The following PCBP3 variants were observed in gnomAD, a reference collection of about 807,000 sequenced individuals.
The protein encoded by PCBP3 is poly(rC)-binding protein 3.
In PCBP3, 25 loss-of-function variants were observed where a neutral mutation model predicts 52.7. The observed-to-expected ratio is 0.47, with a 90% CI of 0.35 to 0.66. The LOEUF is 0.66. Among genes scored for constraint, PCBP3 ranks in the 30% least tolerant of loss-of-function variants. The pLI is 0.01. For missense variants in PCBP3, 391 were observed against 490.3 expected (o/e 0.80, Z 1.91); for synonymous variants, 162 against 183.0 (o/e 0.89, Z 0.93).
Position 45,803,618 on chromosome 21 carries a change from A to G in PCBP3, c.-125-46343A>G, listed in dbSNP as rs1045190630. ...TAAATGCAAACAGGACACTGAGGGC[A>G]GGAAGGTGTGCTGAGCTGCCCTGCA... On this transcript the variant is annotated intron_variant, in intron 4 of 17. Coordinates refer to ENST00000681687, the MANE Select transcript of PCBP3 (RefSeq NM_001384156.1). Among the ~76,000 whole-genome samples the G allele has an allele frequency of 2.0e-5, 3 of 152,214 alleles. No individual in the cohort carries two copies. The East Asian group carries it at 5.8e-4, about 29-fold the overall frequency.
chr21:45,674,235 C>CTT (rs2081337403), intron 2 of PCBP3, among the ~76,000 whole-genome samples: 1 of 152,152 alleles, frequency 6.6e-6, no homozygotes. Context: ...TGTTGTTATT[C>CTT]TTTATGTAGG....
chr21:45,651,669 T>G (rs2079692623), intron 1 of PCBP3, among the ~76,000 whole-genome samples: 1 of 152,236 alleles, frequency 6.6e-6, no homozygotes, highest in South Asian at 2.1e-4. Flanking sequence ...TTTAAAATAC[T>G]CATCATGATA....
In PCBP3 at chr21:45,922,569, T is replaced by C. The variant is rs992127005; in HGVS notation, c.717+4940T>C. On this transcript the variant is annotated intron_variant, in intron 13 of 17. Coordinates refer to ENST00000681687, the MANE Select transcript of PCBP3 (RefSeq NM_001384156.1). ...GACCCTGTCTCAAAAAAAGAAAAAA[T>C]ACCCTCATATATACAAATCTTTATT... Among the ~76,000 whole-genome samples, 6 of 152,060 alleles carry C rather than the reference T, an allele frequency of 3.9e-5. No homozygotes were observed. The South Asian group carries it at 1.2e-3, about 32-fold the overall frequency.
At chr21:45,884,746 A>G (rs2095479745) in intron 5 of PCBP3, among the ~76,000 whole-genome samples, 1 of 152,108 alleles carries the variant, frequency 6.6e-6, no homozygotes, top group African/African-American at 2.4e-5. Context: ...ATTTTTTTGT[A>G]GAGACAGGGT....
intron 2 of PCBP3, among the ~76,000 whole-genome samples, chr21:45,700,833 C>T (rs1310094563): frequency 1.3e-5 from 2 of 152,170 alleles, no homozygotes; most frequent in African/African-American, 4.8e-5. Context: ...CCAGCTTTCC[C>T]ATCTCCTCCA....
At chr21:45,908,116 A>G (rs2096253081) in intron 9 of PCBP3, among the ~76,000 whole-genome samples, 1 of 152,160 alleles carries the variant, frequency 6.6e-6, no homozygotes, top group Non-Finnish European at 1.5e-5. Flanking sequence ...TTAAAGTCAA[A>G]TGTTCCCCCA....
chr21:45,804,253 G>C (rs1315684601), intron 4 of PCBP3, among the ~76,000 whole-genome samples: 1 of 152,182 alleles, frequency 6.6e-6, no homozygotes, highest in South Asian at 2.1e-4. Context: ...GTACTCCTTT[G>C]GAGGGATTCT....
intron 11 of PCBP3, chr21:45,911,253 AG>A (rs1569488081): frequency 1.6e-6 from 1 of 626,340 alleles, no homozygotes; most frequent in Admixed American, 2.4e-5. Flanking sequence ...GGGGGCGTCT[AG>A]GGGAGAGCAT....
intron 4 of PCBP3, among the ~76,000 whole-genome samples, chr21:45,815,107 AGTG>A (rs1246853430): frequency 4.6e-5 from 4 of 87,030 alleles, no homozygotes; most frequent in Non-Finnish European, 6.9e-5. Context: ...GTGAGTGGTG[AGTG>A]GTGAGTGAGT....
chr21:45,905,568 C>T (rs1256120599), intron 9 of PCBP3, among the ~76,000 whole-genome samples: 1 of 152,236 alleles, frequency 6.6e-6, no homozygotes, highest in East Asian at 1.9e-4. Context: ...ACACGGCAGA[C>T]GCTGGTTCTC....
At chr21:45,918,736 A>G (rs188566186) in intron 13 of PCBP3, 5,901 of 108,618 alleles carry the variant, frequency 0.054, 153 homozygotes, top group African/African-American at 0.17. Flanking sequence ...CCAGTGCTGG[A>G]GGAAGAAGTT....
chr21:45,794,817 T>C (rs944582093), intron 4 of PCBP3, among the ~76,000 whole-genome samples: 67 of 151,720 alleles, frequency 4.4e-4, no homozygotes, highest in African/African-American at 1.6e-3. Context: ...TAGTCCCAGC[T>C]ACTTGGGAGG....
At chr21:45,935,361 G>C in intron 16 of PCBP3, 56 bp downstream of exon 16, 1 of 1,324,202 alleles carries the variant, frequency 7.6e-7, no homozygotes, top group Non-Finnish European at 1.1e-6. Context: ...GGCACAAGTG[G>C]CTGTCAGCTC....
In PCBP3 at chr21:45,880,627, G is replaced by A. The variant is rs1303371136; in HGVS notation, c.11-15581G>A. ...GGCCAAGAGTGGTGCTGGGAACTGG[G>A]GATTCAGTGGTGAACGGAGGAGACA... On this transcript the variant is annotated intron_variant, in intron 5 of 17. Coordinates refer to ENST00000681687, the MANE Select transcript of PCBP3 (RefSeq NM_001384156.1). The surrounding 1 kb of genome is among the most constrained non-coding windows in gnomAD (Gnocchi z 5.4). Among the ~76,000 whole-genome samples the A allele has an allele frequency of 6.6e-6, 1 of 152,052 alleles. No homozygotes were observed. Among genetic ancestry groups the A allele is most frequent in the East Asian group, 1.9e-4 (1 of 5,166 alleles).
At chr21:45,913,832 T>C in intron 11 of PCBP3, 119 bp from the exon 12 acceptor site, 1 of 874,086 alleles carries the variant, frequency 1.1e-6, no homozygotes, top group Admixed American at 2.2e-5. Context: ...CTCGGGGAGG[T>C]GTGGGGAGCG....
In PCBP3 at chr21:45,935,321, G is replaced by A. The variant is rs751395088; in HGVS notation, c.909+16G>A. On this transcript the variant is annotated intron_variant, in intron 16 of 17. Transcript: ENST00000681687. ...TCCCAATGATGTGAGTATGCCCGCT[G>A]TACCTGCCTGTCCCTGGGTAGAAAC... The A allele has an allele frequency of 4.4e-6, 7 of 1,595,694 alleles. No individual in the cohort carries two copies. The highest frequency in any genetic ancestry group is 4.0e-5 in the African/African-American group (3 of 74,218).
At chr21:45,863,076 G>A (rs1033202935) in intron 5 of PCBP3, among the ~76,000 whole-genome samples, 10 of 152,160 alleles carry the variant, frequency 6.6e-5, no homozygotes, top group South Asian at 4.1e-4. Context: ...GCTGCAGCTC[G>A]TCCACTCAGC....
chr21:45,647,880 A>T (rs1452445302), intron 1 of PCBP3, among the ~76,000 whole-genome samples: 1 of 152,146 alleles, frequency 6.6e-6, no homozygotes, highest in African/African-American at 2.4e-5. Flanking sequence ...TAATCAGCTG[A>T]TTTTAAAATA....
At chr21:45,792,850 CCG>C (rs1569229240) in intron 4 of PCBP3, among the ~76,000 whole-genome samples, 1 of 152,166 alleles carries the variant, frequency 6.6e-6, no homozygotes, top group Non-Finnish European at 1.5e-5. Context: ...CTCAAACCCC[CCG>C]GCTTTGGGCC....
Sources: gnomAD v4.1 joint callset for allele counts (sites outside exome capture counted in the v4.1 genomes callset) on GRCh38, gnomAD v4.1.1 for gene constraint, Gnocchi (gnomAD v3.1) non-coding constraint, MANE v1.5 for transcripts, NCBI Gene and HGNC (gene_info 2026-07-23, HGNC 2026-07-21) for gene names.